Variants in MLLT3 observed in about 807,000 individuals in gnomAD.
MLLT3 encodes the protein protein AF-9.
Under a neutral mutation model 53.2 loss-of-function variants are expected in MLLT3, and 4 were observed. The observed-to-expected ratio is 0.08, with a 90% CI of 0.04 to 0.17. MLLT3 has a LOEUF of 0.17. Ranked by LOEUF, MLLT3 falls within the 10% of genes least tolerant of loss-of-function variation. The pLI, the probability that MLLT3 is intolerant of heterozygous loss-of-function variation, is 1.00. For synonymous variants in MLLT3, 283 were observed against 230.6 expected (o/e 1.23, Z -2.06); for missense variants, 569 against 684.0 (o/e 0.83, Z 1.87).
intron 2 of MLLT3, among the ~76,000 whole-genome samples, chr9:20,530,191 A>G (rs557120669): frequency 2.6e-4 from 40 of 152,352 alleles, no homozygotes; most frequent in African/African-American, 8.9e-4. Flanking sequence ...TGGCAAAAAC[A>G]GTATCTCAAT....
At chr9:20,535,290 C>G (rs543396025) in intron 2 of MLLT3, among the ~76,000 whole-genome samples, 1 of 152,308 alleles carries the variant, frequency 6.6e-6, no homozygotes, top group African/African-American at 2.4e-5. Flanking sequence ...TGAGGTGGAA[C>G]AGTTTCATCC....
intron 5 of MLLT3, among the ~76,000 whole-genome samples, chr9:20,386,761 G>A (rs1822048092): frequency 6.6e-6 from 1 of 152,164 alleles, no homozygotes; most frequent in Non-Finnish European, 1.5e-5. Flanking sequence ...GTATTGGCCA[G>A]TCTGCTCCTA....
At position 20,511,510 on chromosome 9, in the gene MLLT3, A is replaced by G. The variant is rs74827666; in HGVS notation, c.194-54724T>C. On this transcript the variant is annotated intron_variant, in intron 2 of 10. Transcript: ENST00000380338. The stretch of plus-strand genomic sequence containing the variant: ...TTACCAGAAGTAAAAGCAACAGTGA[A>G]TTACATTATAAGATGGTAGAAAAGG... Among the ~76,000 whole-genome samples, 1,522 of 152,298 alleles carry G rather than the reference A, an allele frequency of 1.0e-2. 63 individuals are homozygous for G. The East Asian group carries it at 0.14, about 14-fold the overall frequency.
intron 3 of MLLT3, among the ~76,000 whole-genome samples, chr9:20,454,346 A>T (rs1251139269): frequency 6.6e-6 from 1 of 152,172 alleles, no homozygotes; most frequent in African/African-American, 2.4e-5. Flanking sequence ...TAAATCTGGC[A>T]TATGGGGAAA....
intron 2 of MLLT3, among the ~76,000 whole-genome samples, chr9:20,548,614 C>T (rs948476350): frequency 1.3e-5 from 2 of 152,084 alleles, no homozygotes; most frequent in Admixed American, 1.3e-4. Flanking sequence ...TTTGGAATGG[C>T]CCTGTTAAGA....
chr9:20,524,587 G>A, intron 2 of MLLT3, among the ~76,000 whole-genome samples: 1 of 151,944 alleles, frequency 6.6e-6, no homozygotes, highest in East Asian at 1.9e-4. Context: ...CAAACTCCTG[G>A]GCTCTAGCAA....
intron 5 of MLLT3, among the ~76,000 whole-genome samples, chr9:20,386,834 A>G (rs1822049616): frequency 6.6e-6 from 1 of 152,234 alleles, no homozygotes; most frequent in African/African-American, 2.4e-5. Context: ...CTAGATAATA[A>G]TAAGTTATAG....
intron 5 of MLLT3, among the ~76,000 whole-genome samples, chr9:20,398,620 C>T (rs2118738865): frequency 6.6e-6 from 1 of 152,168 alleles, no homozygotes; most frequent in East Asian, 1.9e-4. Context: ...ATTTCACGAT[C>T]ACAAAGACAG....
chr9:20,567,812 C>T (rs1316586833), intron 2 of MLLT3, among the ~76,000 whole-genome samples: 1 of 152,136 alleles, frequency 6.6e-6, no homozygotes, highest in Non-Finnish European at 1.5e-5. Flanking sequence ...TAACACTTGG[C>T]TTCTAACCCT....
At position 20,346,542 on chromosome 9, in the gene MLLT3, A is replaced by T; in HGVS notation, c.1608T>A (p.Phe536Leu). The T allele has an allele frequency of 6.2e-7, 1 of 1,613,806 alleles. No individual in the cohort carries two copies. Among genetic ancestry groups the T allele is most frequent in the Non-Finnish European group, 8.5e-7 (1 of 1,179,726 alleles). ...IVNLIEETGH[F>L]HITNTTFDFD... ...AATCAAATGTTGTGTTTGTGATATG[A>T]AAGTGTCCAGTTTCTTCTATAAGGT... Residue 536 changes from phenylalanine to leucine, a missense_variant, in exon 11 of 11, where the codon TTT (phenylalanine) becomes TTA (leucine). Phe to Leu is a conservative substitution (Grantham distance 22). This residue lies in a region of MLLT3 where 45 missense variants were observed against 85.5 expected (regional missense o/e 0.53). Transcript: ENST00000380338.
At chr9:20,524,069 G>T (rs969245612) in intron 2 of MLLT3, among the ~76,000 whole-genome samples, 2 of 152,026 alleles carry the variant, frequency 1.3e-5, no homozygotes, top group African/African-American at 2.4e-5. Flanking sequence ...GAGCACAGTG[G>T]ATTTTTTGGA....
chr9:20,591,474 TATAAAC>T (rs1820128333), intron 2 of MLLT3, among the ~76,000 whole-genome samples: 1 of 152,144 alleles, frequency 6.6e-6, no homozygotes, highest in African/African-American at 2.4e-5. Context: ...AAAATGAACT[TATAAAC>T]AGATATGTTA....
At chr9:20,510,117 C>T (rs1825493465) in intron 2 of MLLT3, among the ~76,000 whole-genome samples, 1 of 151,936 alleles carries the variant, frequency 6.6e-6, no homozygotes, top group Non-Finnish European at 1.5e-5. Flanking sequence ...AAGGCACCAC[C>T]ACTATCAAAT....
chr9:20,580,267 C>T (rs937506837), intron 2 of MLLT3, among the ~76,000 whole-genome samples: 1 of 152,072 alleles, frequency 6.6e-6, no homozygotes, highest in African/African-American at 2.4e-5. Flanking sequence ...TCCCTTCTCT[C>T]CATTTATGGA....
At chr9:20,525,878 T>A (rs1477305944) in intron 2 of MLLT3, among the ~76,000 whole-genome samples, 1 of 152,210 alleles carries the variant, frequency 6.6e-6, no homozygotes, top group Non-Finnish European at 1.5e-5. Context: ...TGTTGTGACA[T>A]TCTTTAAGAA....
At chr9:20,547,809 A>T (rs2119022636) in intron 2 of MLLT3, among the ~76,000 whole-genome samples, 1 of 152,248 alleles carries the variant, frequency 6.6e-6, no homozygotes, top group South Asian at 2.1e-4. Context: ...AATATTAGCC[A>T]AGTGTGGTAG....
intron 2 of MLLT3, among the ~76,000 whole-genome samples, chr9:20,542,532 G>C (rs928299539): frequency 2.0e-5 from 3 of 152,308 alleles, no homozygotes; most frequent in Non-Finnish European, 2.9e-5. Flanking sequence ...TTACAGGCGT[G>C]AGCCAGAGCA....
intron 4 of MLLT3, among the ~76,000 whole-genome samples, chr9:20,420,992 A>C (rs1051275117): frequency 1.4e-4 from 21 of 152,286 alleles, no homozygotes; most frequent in Middle Eastern, 3.4e-3. Flanking sequence ...GGCCAGGCAC[A>C]GTGGCTCACA....
intron 2 of MLLT3, among the ~76,000 whole-genome samples, chr9:20,462,499 T>A (rs1824135505): frequency 6.6e-6 from 1 of 152,132 alleles, no homozygotes; most frequent in African/African-American, 2.4e-5. Context: ...CATAAAGTTT[T>A]AAAGACACAA....
Sources: allele counts gnomAD v4.1 joint callset (sites outside exome capture counted in the v4.1 genomes callset), GRCh38; gene constraint gnomAD v4.1.1; regional missense constraint gnomAD v4.1.1; transcripts MANE v1.5; gene names NCBI Gene and HGNC (gene_info 2026-07-23, HGNC 2026-07-21).